Variants in NTSR1 observed in about 807,000 individuals in gnomAD.
NTSR1 encodes the protein neurotensin receptor type 1.
NTSR1 carries 29 observed loss-of-function variants against 31.2 expected under a neutral mutation model. The ratio of observed to expected loss-of-function variants is 0.93; its 90% confidence interval spans 0.69 to 1.27. The LOEUF (loss-of-function observed/expected upper bound fraction) is 1.27. NTSR1 is among the 50% of genes most tolerant of loss of function. The pLI, the probability that NTSR1 is intolerant of heterozygous loss-of-function variation, is 0.00. For synonymous variants in NTSR1, 282 were observed against 269.9 expected (o/e 1.04, Z -0.44); for missense variants, 697 against 595.4 (o/e 1.17, Z -1.78).
chr20:62,755,823 C>A (rs1459621526), intron 2 of NTSR1, among the ~76,000 whole-genome samples: 1 of 42,040 alleles, frequency 2.4e-5, no homozygotes, highest in Non-Finnish European at 4.6e-5. Flanking sequence ...TCCTCCCTCC[C>A]TCCATCCATC....
rs1220173378 is a variant in NTSR1, at chr20:62,744,608, C to A, written c.715-10077C>A. ...AGGCATGGTGGCACATGCCTGTAAT[C>A]CCAGCTACTCAGGAAGGCTGAGGCA... On this transcript the variant is annotated intron_variant, in intron 1 of 3. Coordinates refer to ENST00000370501, the MANE Select transcript of NTSR1 (RefSeq NM_002531.3). The surrounding 1 kb of genome is among the most constrained non-coding windows in gnomAD (Gnocchi z 4.1). Among the ~76,000 whole-genome samples, 1 of 151,766 alleles carries A rather than the reference C, an allele frequency of 6.6e-6. No individual in the cohort carries two copies. Among genetic ancestry groups the A allele is most frequent in the South Asian group, 2.1e-4 (1 of 4,778 alleles).
At chr20:62,722,130 G>A (rs893303639) in intron 1 of NTSR1, among the ~76,000 whole-genome samples, 1 of 152,174 alleles carries the variant, frequency 6.6e-6, no homozygotes, top group South Asian at 2.1e-4. Flanking sequence ...TTTGGAGAGG[G>A]TTGATTCTTA....
At chr20:62,740,688 A>G (rs559280684) in intron 1 of NTSR1, among the ~76,000 whole-genome samples, 1 of 152,378 alleles carries the variant, frequency 6.6e-6, no homozygotes, top group East Asian at 1.9e-4. Flanking sequence ...TCAGATCCCC[A>G]GAGAGGTGGG....
rs1019881807 is a variant in NTSR1, at chr20:62,733,596, T to C, written c.715-21089T>C. Among the ~76,000 whole-genome samples the C allele has an allele frequency of 6.6e-6, 1 of 151,454 alleles. No homozygotes were observed. The highest frequency in any genetic ancestry group is 2.4e-5 in the African/African-American group (1 of 41,100). Reference sequence around the variant, plus strand: ...AGGGTGAGCCATGTGGGCTGGCTTCTGGGGATGGGGAGGAGAGATACACAC... The same window carrying C: ...AGGGTGAGCCATGTGGGCTGGCTTCCGGGGATGGGGAGGAGAGATACACAC... On this transcript the variant is annotated intron_variant, in intron 1 of 3. Transcript: ENST00000370501. This position sits in a 1 kb window ranked among gnomAD's most constrained non-coding sequence, Gnocchi z 5.2.
chr20:62,760,160 C>T lies in NTSR1; in HGVS notation c.1150C>T (p.Pro384Ser), dbSNP rs770176811. 1.9e-6 allele frequency: 3 copies of T among 1,614,126 alleles called. No homozygotes were observed. The highest frequency in any genetic ancestry group is 1.7e-5 in the Admixed American group (1 of 60,034). ...CCTGGCCACACTGGCCTGCCTCTGC[C>T]CGGTGTGGCGGCGCAGGAGGAAGAG... ...IFLATLACLCPVWRRRRKRPA... is the reference protein window; with the variant it reads ...IFLATLACLCSVWRRRRKRPA... Residue 384 changes from proline to serine, a missense_variant, in exon 4 of 4, where the codon CCG (proline) becomes TCG (serine). Transcript: ENST00000370501.
intron 1 of NTSR1, among the ~76,000 whole-genome samples, chr20:62,727,900 G>C (rs988884842): frequency 6.6e-6 from 1 of 152,240 alleles, no homozygotes; most frequent in Non-Finnish European, 1.5e-5. Context: ...TGTTCCCGGC[G>C]CTCCCGGCGT....
intron 1 of NTSR1, among the ~76,000 whole-genome samples, chr20:62,748,829 G>T (rs1238754919): frequency 6.6e-6 from 1 of 152,056 alleles, no homozygotes; most frequent in Non-Finnish European, 1.5e-5. Context: ...AGGGGAGCTG[G>T]TGGCTTTATA....
intron 1 of NTSR1, among the ~76,000 whole-genome samples, chr20:62,712,963 CAT>C (rs887831796): frequency 2.0e-5 from 3 of 152,220 alleles, no homozygotes; most frequent in Non-Finnish European, 4.4e-5. Context: ...CGTGTGCACA[CAT>C]GTGTGTGTCC....
chr20:62,713,835 C>T (rs1445365794), intron 1 of NTSR1, among the ~76,000 whole-genome samples: 2 of 152,198 alleles, frequency 1.3e-5, no homozygotes, highest in Admixed American at 1.3e-4. Flanking sequence ...CGTGGTGGCT[C>T]ACACCTGTAA....
At chr20:62,755,014 A>G (rs1398496251) in intron 2 of NTSR1, 128 bp downstream of exon 2, 1 of 899,740 alleles carries the variant, frequency 1.1e-6, no homozygotes, top group South Asian at 1.7e-5. Context: ...GCCAAGACCC[A>G]AGGGTGCCAG....
At chr20:62,759,286 T>TG (rs1989568044) in intron 3 of NTSR1, among the ~76,000 whole-genome samples, 2 of 151,726 alleles carry the variant, frequency 1.3e-5, no homozygotes, top group African/African-American at 4.8e-5. Flanking sequence ...GAGATCACTG[T>TG]GGGGGGAGGC....
intron 1 of NTSR1, among the ~76,000 whole-genome samples, chr20:62,751,773 G>A (rs1296661739): frequency 6.6e-6 from 1 of 152,246 alleles, no homozygotes; most frequent in Admixed American, 6.5e-5. Flanking sequence ...GCTCCCCAGG[G>A]GAAGGAGGCG....
Position 62,723,404 on chromosome 20 carries a change from C to T in NTSR1, c.714+13483C>T, listed in dbSNP as rs915076445. Among the ~76,000 whole-genome samples the T allele has an allele frequency of 6.6e-5, 10 of 152,218 alleles. No homozygotes were observed. In the East Asian group the frequency reaches 7.7e-4, roughly 12 times the overall value. On this transcript the variant is annotated intron_variant, in intron 1 of 3. Coordinates refer to ENST00000370501, the MANE Select transcript of NTSR1 (RefSeq NM_002531.3). ...CAAGTGTGTCTGGGCCGTGTCACTC[C>T]GGAGCTGCGAATAGAGCCGTCCGGA...
rs1251900253 is a variant in NTSR1, at chr20:62,745,810, G to A, written c.715-8875G>A. Among the ~76,000 whole-genome samples, 1 of 152,218 alleles carries A rather than the reference G, an allele frequency of 6.6e-6. No individual in the cohort carries two copies. Among genetic ancestry groups the A allele is most frequent in the African/African-American group, 2.4e-5 (1 of 41,450 alleles). On this transcript the variant is annotated intron_variant, in intron 1 of 3. Transcript: ENST00000370501. The surrounding 1 kb of genome is among the most constrained non-coding windows in gnomAD (Gnocchi z 4.1). ...TGGCCATGACCCTCCCCTGCTGCTT[G>A]GAATTGCAAAGCCAGGCGGTCTGGG...
chr20:62,754,725 T>C lies in NTSR1; in HGVS notation c.755T>C (p.Ile252Thr). The C allele has an allele frequency of 8.1e-6, 13 of 1,612,910 alleles. No homozygotes were observed. The highest frequency in any genetic ancestry group is 1.3e-5 in the African/African-American group (1 of 74,990). Residue 252 changes from isoleucine to threonine, a missense_variant, in exon 2 of 4, where the codon ATC becomes ACC. Coordinates refer to ENST00000370501, the MANE Select transcript of NTSR1 (RefSeq NM_002531.3). ...TCCTTCATATTCCCCATGGTGGTCA[T>C]CTCGGTCCTGAACACCATCATCGCC... is the stretch of plus-strand genomic sequence containing the variant. ...FMSFIFPMVVISVLNTIIANK... is the reference protein window; with the variant it reads ...FMSFIFPMVVTSVLNTIIANK...
chr20:62,714,533 GGA>G lies in NTSR1; in HGVS notation c.714+4618_714+4619del, dbSNP rs976603987. ...TTGACAGCTGCTGGGGTCACGAAGG[GGA>G]GAGAGTTAGGTGTGAGGTGAGCCCT... is the stretch of plus-strand genomic sequence containing the variant. On this transcript the variant is annotated intron_variant, in intron 1 of 3. Coordinates refer to ENST00000370501, the MANE Select transcript of NTSR1 (RefSeq NM_002531.3). The surrounding 1 kb of genome is among the most constrained non-coding windows in gnomAD (Gnocchi z 4.1). Among the ~76,000 whole-genome samples the G allele has an allele frequency of 5.3e-5, 8 of 152,302 alleles. No individual in the cohort carries two copies. Among genetic ancestry groups the G allele is most frequent in the African/African-American group, 1.9e-4 (8 of 41,566 alleles).
Position 62,742,706 on chromosome 20 carries a change from T to C in NTSR1, c.715-11979T>C, listed in dbSNP as rs1989225904. Among the ~76,000 whole-genome samples, 1 of 149,398 alleles carries C rather than the reference T, an allele frequency of 6.7e-6. No individual in the cohort carries two copies. The highest frequency in any genetic ancestry group is 2.1e-4 in the South Asian group (1 of 4,764). Reference sequence around the variant, plus strand: ...TGTCTCCTCTGAGGACAGCCACTGGTCAGAGCCTCCTGGATGACCTCACTC... The same window carrying C: ...TGTCTCCTCTGAGGACAGCCACTGGCCAGAGCCTCCTGGATGACCTCACTC... On this transcript the variant is annotated intron_variant, in intron 1 of 3. Transcript: ENST00000370501. The surrounding 1 kb of genome is among the most constrained non-coding windows in gnomAD (Gnocchi z 7.1).
At chr20:62,751,235 AAATAT>A (rs1989389313) in intron 1 of NTSR1, among the ~76,000 whole-genome samples, 1 of 152,204 alleles carries the variant, frequency 6.6e-6, no homozygotes, top group Non-Finnish European at 1.5e-5. Context: ...AAAAGGTTAA[AAATAT>A]ATACATTTAA....
chr20:62,710,401 A>G (rs1192839726), intron 1 of NTSR1, among the ~76,000 whole-genome samples: 4 of 152,112 alleles, frequency 2.6e-5, no homozygotes, highest in Non-Finnish European at 5.9e-5. Flanking sequence ...GCCAGTTCCT[A>G]GTTTAGCCTC....
Sources: gnomAD v4.1 joint callset for allele counts (sites outside exome capture counted in the v4.1 genomes callset) on GRCh38, gnomAD v4.1.1 for gene constraint, Gnocchi (gnomAD v3.1) non-coding constraint, MANE v1.5 for transcripts, NCBI Gene and HGNC (gene_info 2026-07-23, HGNC 2026-07-21) for gene names.